Variants in MCF2L observed in about 807,000 individuals in gnomAD.
MCF2L encodes the protein MCF.2 cell line derived transforming sequence like, also known as guanine nucleotide exchange factor DBS.
In MCF2L, 97 loss-of-function variants were observed where a neutral mutation model predicts 153.4. That is an observed-to-expected ratio of 0.63 (90% confidence interval 0.54 to 0.75). The LOEUF (loss-of-function observed/expected upper bound fraction) is 0.75. Among genes scored for constraint, MCF2L ranks in the 30% least tolerant of loss-of-function variants. The probability of loss-of-function intolerance (pLI) is 0.00; values close to 1 mark genes in which losing one functional copy is unlikely to be tolerated. For synonymous variants in MCF2L, 659 were observed against 632.2 expected, an observed-to-expected ratio of 1.04 and a Z score of -0.64; for missense variants, 1,347 against 1,495.2, an observed-to-expected ratio of 0.90 and a Z score of 1.64.
chr13:113,029,795 G>A (rs1480633549), intron 3 of MCF2L, among the ~76,000 whole-genome samples: 1 of 152,216 alleles, frequency 6.6e-6, no homozygotes, highest in Non-Finnish European at 1.5e-5. Context: ...CGGTTCCCCA[G>A]CACGCAGTTT....
intron 5 of MCF2L, among the ~76,000 whole-genome samples, chr13:113,062,749 C>G (rs1447415295): frequency 6.6e-6 from 1 of 152,186 alleles, no homozygotes; most frequent in Non-Finnish European, 1.5e-5. Flanking sequence ...AACAGTGGCC[C>G]CGGCACCTCT....
intron 1 of MCF2L, among the ~76,000 whole-genome samples, chr13:112,999,742 CGTT>C (rs1038206902): frequency 2.0e-5 from 3 of 152,200 alleles, no homozygotes; most frequent in Non-Finnish European, 2.9e-5. Context: ...GGTGAGGACA[CGTT>C]GGACTGTGCT....
chr13:113,008,946 C>T (rs561628759), intron 1 of MCF2L: 1 of 142,888 alleles, frequency 7.0e-6, no homozygotes, highest in South Asian at 2.1e-4. Context: ...AGAGGGAGCG[C>T]AGCTCTGGAG....
chr13:112,974,716 A>G (rs1322706014), intron 1 of MCF2L, among the ~76,000 whole-genome samples: 1 of 152,194 alleles, frequency 6.6e-6, no homozygotes, highest in Non-Finnish European at 1.5e-5. Context: ...CTTTCGCCAT[A>G]ATAAAAAACA....
At chr13:113,090,030 C>A (rs544344557) in intron 26 of MCF2L, 4 of 1,597,456 alleles carry the variant, frequency 2.5e-6, no homozygotes, top group Admixed American at 3.5e-5. Flanking sequence ...CATCGGGTTG[C>A]GATGCCCTCT....
rs187250358 is a variant in MCF2L, at chr13:113,045,928, C to G, written c.369+567C>G. On this transcript the variant is annotated intron_variant, in intron 4 of 29. Coordinates refer to ENST00000535094, the MANE Select transcript of MCF2L (RefSeq NM_001112732.3). The surrounding 1 kb of genome is among the most constrained non-coding windows in gnomAD (Gnocchi z 4.2). Reference sequence around the variant, plus strand: ...CTTTCCAAATCAGGCCATCTAGCTGCGACACTGAACTAGCCACCACCGCCT... The same window carrying G: ...CTTTCCAAATCAGGCCATCTAGCTGGGACACTGAACTAGCCACCACCGCCT... The G allele has an allele frequency of 6.4e-6, 1 of 156,336 alleles. No individual in the cohort carries two copies. Among genetic ancestry groups the G allele is most frequent in the African/African-American group, 2.5e-5 (1 of 40,760 alleles). 9.7% of individuals were successfully genotyped at this position (156,336 alleles called of 1,614,324 possible). A position where few individuals can be genotyped will look rare whatever the true frequency, so the allele number is the denominator to read the frequency against.
chr13:113,013,770 G>T (rs192488361), intron 1 of MCF2L, among the ~76,000 whole-genome samples: 2 of 152,216 alleles, frequency 1.3e-5, no homozygotes. Flanking sequence ...TGATGAGAGC[G>T]TTGGCCAGAA....
At chr13:112,939,829 G>A (rs1325015276) in intron 2 of MCF2L, among the ~76,000 whole-genome samples, 1 of 152,084 alleles carries the variant, frequency 6.6e-6, no homozygotes, top group Non-Finnish European at 1.5e-5. Context: ...AAAATTAGCT[G>A]GGCATGTTGG....
At chr13:112,942,181 C>T (rs1594360833) in intron 2 of MCF2L, among the ~76,000 whole-genome samples, 1 of 152,228 alleles carries the variant, frequency 6.6e-6, no homozygotes, top group East Asian at 1.9e-4. Context: ...TGCTGTGCTT[C>T]AGTGGTCACG....
At chr13:113,001,655 G>A (rs2083383163) in intron 1 of MCF2L, 1 of 1,310,302 alleles carries the variant, frequency 7.6e-7, no homozygotes, top group African/African-American at 1.5e-5. Context: ...GCTGTCGCCA[G>A]GATCGCAACA....
Position 113,084,994 on chromosome 13 carries a change from C to T in MCF2L, c.2154+10C>T, listed in dbSNP as rs751675445. On this transcript the variant is annotated intron_variant, in intron 19 of 29. Coordinates refer to ENST00000535094, the MANE Select transcript of MCF2L (RefSeq NM_001112732.3). ...CTGCCCGTTTTTCCAGGTTTGTCCC[C>T]GGACCTTCCTTTAGAACGTTACTCC... The T allele has an allele frequency of 5.0e-6, 8 of 1,613,468 alleles. No homozygotes were observed. The highest frequency in any genetic ancestry group is 4.5e-5 in the East Asian group (2 of 44,900).
Position 113,096,823 on chromosome 13 carries a change from G to A in MCF2L, c.3342G>A (p.Glu1114=), listed in dbSNP as rs1429900230. 2 of 1,532,402 alleles carry A rather than the reference G, an allele frequency of 1.3e-6. No individual in the cohort carries two copies. Among genetic ancestry groups the A allele is most frequent in the East Asian group, 2.6e-5 (1 of 39,116 alleles). 94.9% of individuals were successfully genotyped at this position (1,532,402 alleles called of 1,614,324 possible). A position where few individuals can be genotyped will look rare whatever the true frequency, so the allele number is the denominator to read the frequency against. The change falls in exon 30 of 30, where the codon GAG becomes GAA. Residue 1114 remains glutamate, a synonymous_variant. Coordinates refer to ENST00000535094, the MANE Select transcript of MCF2L (RefSeq NM_001112732.3). ...TGAGCAACTCGTCCAGCTGCAGCGA[G>A]GGCGGCCAGGCCCCCTTCTCCGACC... ...AVLSNSSSCS[E]GGQAPFSDLQ...
chr13:113,088,899 C>T (rs2034906641), intron 25 of MCF2L, among the ~76,000 whole-genome samples: 1 of 152,230 alleles, frequency 6.6e-6, no homozygotes, highest in African/African-American at 2.4e-5. Context: ...CAGATCACAG[C>T]CACGCCCCAG....
At chr13:113,017,469 C>T (rs1594677082) in intron 2 of MCF2L, among the ~76,000 whole-genome samples, 1 of 152,246 alleles carries the variant, frequency 6.6e-6, no homozygotes, top group Non-Finnish European at 1.5e-5. Context: ...CCGTATAATC[C>T]ATTATGGTCT....
chr13:113,041,385 A>G (rs2086471197), intron 3 of MCF2L, among the ~76,000 whole-genome samples: 1 of 152,140 alleles, frequency 6.6e-6, no homozygotes. Flanking sequence ...CGGGAATGCC[A>G]TGGGCCGTGG....
intron 7 of MCF2L, among the ~76,000 whole-genome samples, 194 bp from the exon 8 acceptor site, chr13:113,065,852 G>A (rs564616302): frequency 1.3e-5 from 2 of 152,310 alleles, no homozygotes; most frequent in South Asian, 4.1e-4. Context: ...GGGCACACAG[G>A]AGTGAGGGAG....
At chr13:112,919,419 A>T (rs1261020863) in intron 2 of MCF2L, among the ~76,000 whole-genome samples, 5 of 151,778 alleles carry the variant, frequency 3.3e-5, no homozygotes, top group African/African-American at 7.3e-5. Flanking sequence ...TTTAGCCGGG[A>T]TGCTCTCGAT....
At chr13:112,948,620 A>G (rs549820735) in intron 2 of MCF2L, among the ~76,000 whole-genome samples, 5 of 152,230 alleles carry the variant, frequency 3.3e-5, no homozygotes, top group African/African-American at 4.8e-5. Context: ...AATTTTTAGC[A>G]CTAAAATGCA....
At chr13:112,894,478 G>C (rs1056444049) in intron 1 of MCF2L, 3 of 151,642 alleles carry the variant, frequency 2.0e-5, no homozygotes, top group African/African-American at 7.3e-5. Context: ...GTGACGGGAG[G>C]GGGCGCGGGG....
Sources: gnomAD v4.1 joint callset for allele counts (sites outside exome capture counted in the v4.1 genomes callset) on GRCh38, gnomAD v4.1.1 for gene constraint, Gnocchi (gnomAD v3.1) non-coding constraint, MANE v1.5 for transcripts, NCBI Gene and HGNC (gene_info 2026-07-23, HGNC 2026-07-21) for gene names.